The following HK3 variants were observed in gnomAD, a reference collection of about 807,000 sequenced individuals.
HK3 encodes the protein hexokinase-3.
In HK3, 93 loss-of-function variants were observed where a neutral mutation model predicts 91.0. That is an observed-to-expected ratio of 1.02 (90% CI 0.86 to 1.21). The LOEUF (loss-of-function observed/expected upper bound fraction) is 1.21, where lower values mean the gene tolerates loss of function less well. Ranked by LOEUF, HK3 falls within the 50% of genes most tolerant of loss-of-function variation. The pLI is 0.00. For missense variants in HK3, 1,235 were observed against 1,247.4 expected, an observed-to-expected ratio of 0.99 and a Z score of 0.15; for synonymous variants, 519 against 516.9, an observed-to-expected ratio of 1.00 and a Z score of -0.06.
chr5:176,887,572 G>T lies in HK3; in HGVS notation c.1479C>A (p.Asn493Lys). ...CCTGAACCGCAGCCAGTTGATCATG[G>T]TTCAACCGGAATGGGGCCAGGGTCT... Reference protein sequence around the residue: ...LEETLAPFRLNHDQLAAVQAQ... With the variant: ...LEETLAPFRLKHDQLAAVQAQ... The change falls in exon 11 of 19, where the codon AAC (asparagine) becomes AAA (lysine). Residue 493 changes from asparagine (N) to lysine (K), a missense_variant. Asn to Lys is a moderately conservative substitution (Grantham distance 94, BLOSUM62 0). Around this residue, in one of 3 missense-constraint regions of HK3, gnomAD observed 717 missense variants for 751.6 expected, o/e 0.95. Transcript: ENST00000292432. The surrounding 1 kb of genome is among the most constrained non-coding windows in gnomAD (Gnocchi z 4.9). 1 of 1,613,914 alleles carries T rather than the reference G, an allele frequency of 6.2e-7. No individual in the cohort carries two copies. The highest frequency in any genetic ancestry group is 8.5e-7 in the Non-Finnish European group (1 of 1,180,010).
chr5:176,887,049 G>A lies in HK3; in HGVS notation c.1810C>T (p.Leu604=). Residue 604 remains leucine, a synonymous_variant, in exon 13 of 19, where the codon CTG becomes TTG. Coordinates refer to ENST00000292432, the MANE Select transcript of HK3 (RefSeq NM_002115.3). This position sits in a 1 kb window ranked among gnomAD's most constrained non-coding sequence, Gnocchi z 4.9. ...KQGLSGQSLP[L]GFTFSFPCRQ... is the part of the protein sequence containing the mutation. ...CATGGGAAGGAGAAGGTAAAACCCA[G>A]TGGGAGGCTCTGCCCGCTCAGGCCC... 1 of 1,614,220 alleles carries A rather than the reference G, an allele frequency of 6.2e-7. No homozygotes were observed. The highest frequency in any genetic ancestry group is 8.5e-7 in the Non-Finnish European group (1 of 1,180,048).
At position 176,882,033 on chromosome 5, in the gene HK3, G is replaced by A. The variant is rs374247787; in HGVS notation, c.2148C>T (p.Gly716=). 24 of 1,613,124 alleles carry A rather than the reference G, an allele frequency of 1.5e-5. No individual in the cohort carries two copies. In the East Asian group the frequency reaches 2.5e-4, roughly 16 times the overall value. ...SGRMCINMEW[G]AFGDDGSLAM... ...CCAGAGAGCCATCGTCCCCAAAGGC[G>A]CCCCACTCCATGTTGATGCACATGC... The change falls in exon 16 of 19, where the codon GGC becomes GGT. Residue 716 remains glycine (G), a synonymous_variant. Coordinates refer to ENST00000292432, the MANE Select transcript of HK3 (RefSeq NM_002115.3).
intron 6 of HK3, 53 bp downstream of exon 6, chr5:176,890,582 G>T: frequency 6.6e-7 from 1 of 1,507,700 alleles, no homozygotes; most frequent in Non-Finnish European, 9.2e-7. Flanking sequence ...ACGCATGTGT[G>T]CCAGGCCCAG....
Position 176,890,659 on chromosome 5 carries a change from C to A in HK3, c.606G>T (p.Leu202=), listed in dbSNP as rs372639936. 2 of 1,614,024 alleles carry A rather than the reference C, an allele frequency of 1.2e-6. No homozygotes were observed. Among genetic ancestry groups the A allele is most frequent in the African/African-American group, 1.3e-5 (1 of 74,932 alleles). The part of the protein sequence containing the change: ...GVEGQDVVQL[L]RDAIRRQGAY... ...CCCCCTGCCTCCGAATGGCATCTCT[C>A]AGCAGCTGGACCACATCCTGGCCTT... Residue 202 remains leucine (L), a synonymous_variant, in exon 6 of 19, where the codon CTG becomes CTT. Transcript: ENST00000292432.
Position 176,881,129 on chromosome 5 carries a change from C to A in HK3, c.2716G>T (p.Gly906Cys), listed in dbSNP as rs757322165. The A allele has an allele frequency of 1.1e-5, 18 of 1,612,872 alleles. No homozygotes were observed. The highest frequency in any genetic ancestry group is 1.4e-5 in the Non-Finnish European group (17 of 1,179,918). ...FLQSEDGSGK[G>C]AALVTAVACR... ...GCAACAGCGGTGACCAGGGCCGCACCTTTGCCGGACCCATCCTCTGACTGC... is the reference window on the plus strand; with the variant it reads ...GCAACAGCGGTGACCAGGGCCGCACATTTGCCGGACCCATCCTCTGACTGC... The change falls in exon 19 of 19, where the codon GGT becomes TGT. Residue 906 changes from glycine to cysteine, a missense_variant. This residue lies in a region of HK3 where 513 missense variants were observed against 477.4 expected (regional missense o/e 1.07). Transcript: ENST00000292432.
chr5:176,886,459 G>A (rs1758585413), intron 13 of HK3, among the ~76,000 whole-genome samples: 1 of 151,884 alleles, frequency 6.6e-6, no homozygotes, highest in African/African-American at 2.4e-5. Flanking sequence ...CAGAGGCCCG[G>A]GAGGTATTGT....
At chr5:176,895,356 C>T (rs1199335910) in intron 2 of HK3, among the ~76,000 whole-genome samples, 6 of 152,186 alleles carry the variant, frequency 3.9e-5, no homozygotes, top group East Asian at 1.9e-4. Flanking sequence ...GGATTACAGG[C>T]GTGAGCCACC....
At position 176,887,399 on chromosome 5, in the gene HK3, T is replaced by C; in HGVS notation, c.1600+52A>G. On this transcript the variant is annotated intron_variant, in intron 11 of 18. Transcript: ENST00000292432. The surrounding 1 kb of genome is among the most constrained non-coding windows in gnomAD (Gnocchi z 4.9). ...TTGTGGCTCCAGCCCCAGCACACAC[T>C]GGGACCCCCAGGAGCCCATGTTTCG... The C allele has an allele frequency of 3.7e-6, 6 of 1,613,080 alleles. No homozygotes were observed. Among genetic ancestry groups the C allele is most frequent in the Non-Finnish European group, 5.1e-6 (6 of 1,179,690 alleles).
intron 6 of HK3, 32 bp from the exon 7 acceptor site, chr5:176,889,776 G>T: frequency 6.3e-7 from 1 of 1,592,644 alleles, no homozygotes. Context: ...GGTCAAGGCT[G>T]GCCTGAGTGG....
At position 176,888,453 on chromosome 5, in the gene HK3, C is replaced by T. The variant is rs748243032; in HGVS notation, c.1183G>A (p.Ala395Thr). 32 of 1,555,736 alleles carry T rather than the reference C, an allele frequency of 2.1e-5. No individual in the cohort carries two copies. In the Admixed American group the frequency reaches 6.2e-4, roughly 30 times the overall value. The change falls in exon 10 of 19, where the codon GCT becomes ACT. Residue 395 changes from alanine (A) to threonine (T), a missense_variant. By Grantham distance (58) the Ala-to-Thr change is moderately conservative. Coordinates refer to ENST00000292432, the MANE Select transcript of HK3 (RefSeq NM_002115.3). ...QHVCAAVCTR[A>T]AQLCAAALAA... ...AGGGCGGCAGCACAGAGCTGGGCAG[C>T]CCGCGTGCACACGGCCGCACAGACG...
chr5:176,881,512 A>ACCTGCCGCAGGG lies in HK3; in HGVS notation c.2405_2416dup (p.Ala802_Gln805dup), dbSNP rs769702071. On this transcript the variant is annotated inframe_insertion, in exon 18 of 19. Transcript: ENST00000292432. ...CCCCAGATCCTCTAGGATGGCTCGG[A>ACCTGCCGCAGGG]CCTGCCGCAGGGCCAGGCTGTCACT... 3 of 1,603,188 alleles carry ACCTGCCGCAGGG rather than the reference A, an allele frequency of 1.9e-6. No individual in the cohort carries two copies. In the South Asian group the frequency reaches 3.3e-5, roughly 18 times the overall value.
At position 176,884,014 on chromosome 5, in the gene HK3, A is replaced by T. The variant is rs925166541; in HGVS notation, c.1953+25T>A. On this transcript the variant is annotated intron_variant, in intron 14 of 18. Coordinates refer to ENST00000292432, the MANE Select transcript of HK3 (RefSeq NM_002115.3). The surrounding 1 kb of genome is among the most constrained non-coding windows in gnomAD (Gnocchi z 4.1). ...CCCCTCAAGGCCTGCCACAGCCCCA[A>T]AGCACCCCTAGAACAGGCTCCTACC... 1 of 1,610,366 alleles carries T rather than the reference A, an allele frequency of 6.2e-7. No individual in the cohort carries two copies. Among genetic ancestry groups the T allele is most frequent in the African/African-American group, 1.3e-5 (1 of 74,836 alleles).
At position 176,887,839 on chromosome 5, in the gene HK3, A is replaced by T. The variant is rs1758643501; in HGVS notation, c.1305-93T>A. The T allele has an allele frequency of 7.4e-7, 1 of 1,352,360 alleles. No homozygotes were observed. 83.8% of individuals were successfully genotyped at this position (1,352,360 alleles called of 1,614,324 possible). A position where few individuals can be genotyped will look rare whatever the true frequency, so the allele number is the denominator to read the frequency against. Reference sequence around the variant, plus strand: ...TGGCCCTGGACCCCCAGATACATACAGGTGTGCCCAGCTTGGCCCCAGACC... The same window carrying T: ...TGGCCCTGGACCCCCAGATACATACTGGTGTGCCCAGCTTGGCCCCAGACC... On this transcript the variant is annotated intron_variant, in intron 10 of 18. Coordinates refer to ENST00000292432, the MANE Select transcript of HK3 (RefSeq NM_002115.3). The surrounding 1 kb of genome is among the most constrained non-coding windows in gnomAD (Gnocchi z 4.9).
At position 176,890,804 on chromosome 5, in the gene HK3, A is replaced by G. The variant is rs1758744903; in HGVS notation, c.534+18T>C. On this transcript the variant is annotated intron_variant, in intron 5 of 18. Transcript: ENST00000292432. ...GCAGCCACCCTCTACCCAGCGTCCCATGTCCACTCCACCTCACCCTGTCCA... is the reference window on the plus strand; with the variant it reads ...GCAGCCACCCTCTACCCAGCGTCCCGTGTCCACTCCACCTCACCCTGTCCA... 1.9e-6 allele frequency: 3 copies of G among 1,614,172 alleles called. No homozygotes were observed. The East Asian group carries it at 6.7e-5, about 36-fold the overall frequency.
intron 8 of HK3, 72 bp from the exon 9 acceptor site, chr5:176,888,936 T>G: frequency 6.6e-7 from 1 of 1,526,286 alleles, no homozygotes; most frequent in South Asian, 1.2e-5. Flanking sequence ...CCTCCAAGAG[T>G]TCCCAAAGAA....
At chr5:176,896,587 T>C (rs538768707) in intron 1 of HK3, among the ~76,000 whole-genome samples, 36 of 152,234 alleles carry the variant, frequency 2.4e-4, no homozygotes, top group African/African-American at 8.4e-4. Flanking sequence ...ATGTAATAGA[T>C]GGACATGCTG....
rs745475177 is a variant in HK3, at chr5:176,887,673, C to A, written c.1378G>T (p.Asp460Tyr). 4.3e-6 allele frequency: 7 copies of A among 1,613,816 alleles called. No individual in the cohort carries two copies. The East Asian group carries it at 1.6e-4, about 36-fold the overall frequency. The part of the protein sequence containing the change: ...ECDVSLIPSV[D>Y]GGGRGVAMVT... Reference sequence around the variant, plus strand: ...ATCGCCACTCCCCGGCCACCACCATCCACAGAGGGGATTAAGGAGACATCG... The same window carrying A: ...ATCGCCACTCCCCGGCCACCACCATACACAGAGGGGATTAAGGAGACATCG... Residue 460 changes from aspartate to tyrosine, a missense_variant, in exon 11 of 19, where the codon GAT becomes TAT. Transcript: ENST00000292432. The surrounding 1 kb of genome is among the most constrained non-coding windows in gnomAD (Gnocchi z 4.9).
rs1202992479 is a variant in HK3, at chr5:176,886,725, G to A, written c.1857+277C>T. 3.3e-5 allele frequency among the ~76,000 whole-genome samples: 5 copies of A among 152,312 alleles called. No individual in the cohort carries two copies. The East Asian group carries it at 9.7e-4, about 29-fold the overall frequency. The stretch of plus-strand genomic sequence containing the variant: ...AATGCTGGTTCCTGCAGGACCCTGA[G>A]GCCCACACACCAGTGCTATAGCTAA... On this transcript the variant is annotated intron_variant, in intron 13 of 18. Coordinates refer to ENST00000292432, the MANE Select transcript of HK3 (RefSeq NM_002115.3).
rs1349740607 is a variant in HK3, at chr5:176,891,190, C to T, written c.261G>A (p.Glu87=). ...TYVGSTPHGT[E]QGDFVVLELG... ...GCTCCAGCACCACGAAGTCTCCTTGCTCTGGAGGGCAAGCAGGTCACAGAA... is the reference window on the plus strand; with the variant it reads ...GCTCCAGCACCACGAAGTCTCCTTGTTCTGGAGGGCAAGCAGGTCACAGAA... Residue 87 remains glutamate, a splice_region_variant and synonymous_variant, in exon 4 of 19, where the codon GAG becomes GAA. Transcript: ENST00000292432. 2.5e-6 allele frequency: 4 copies of T among 1,614,030 alleles called. No homozygotes were observed. The highest frequency in any genetic ancestry group is 2.5e-6 in the Non-Finnish European group (3 of 1,180,056).
Sources: allele counts gnomAD v4.1 joint callset (sites outside exome capture counted in the v4.1 genomes callset), GRCh38; gene constraint gnomAD v4.1.1; regional missense constraint gnomAD v4.1.1; non-coding constraint Gnocchi (gnomAD v3.1); transcripts MANE v1.5; gene names NCBI Gene and HGNC (gene_info 2026-07-23, HGNC 2026-07-21).